Variants in CEP135 observed in about 807,000 individuals in gnomAD.
CEP135 encodes centrosomal protein 135, also known as centrosomal protein of 135 kDa.
In CEP135, 142 loss-of-function variants were observed where a neutral mutation model predicts 157.3. The ratio of observed to expected loss-of-function variants is 0.90; its 90% CI spans 0.79 to 1.04. The LOEUF (loss-of-function observed/expected upper bound fraction) is 1.04. Ranked by LOEUF, CEP135 falls within the 50% of genes least tolerant of loss-of-function variation. The pLI is 0.00. For synonymous variants in CEP135, 396 were observed against 439.8 expected (o/e 0.90, Z 1.25); for missense variants, 1,317 against 1,309.2 (o/e 1.01, Z -0.09).
chr4:56,008,006 C>T (rs1029433475), intron 17 of CEP135, among the ~76,000 whole-genome samples: 1 of 152,050 alleles, frequency 6.6e-6, no homozygotes, highest in African/African-American at 2.4e-5. Flanking sequence ...TTTCTAAGAC[C>T]TAGGGCCATA....
chr4:56,033,283 A>G lies in CEP135; in HGVS notation c.*1935A>G, dbSNP rs1731424670. Reference sequence around the variant, plus strand: ...AAAATACTGAATGTTCTGACCTTTTATAGATGTTTTTGATTTTGTTTTAAA... The same window carrying G: ...AAAATACTGAATGTTCTGACCTTTTGTAGATGTTTTTGATTTTGTTTTAAA... On this transcript the variant is annotated 3_prime_UTR_variant, in exon 26 of 26. Coordinates refer to ENST00000257287, the MANE Select transcript of CEP135 (RefSeq NM_025009.5). The G allele has an allele frequency of 1.3e-5, 2 of 152,168 alleles. No individual in the cohort carries two copies. The highest frequency in any genetic ancestry group is 1.9e-4 in the East Asian group (1 of 5,186). The allele number at this position is 152,168 out of a possible 1,614,324, so 9.4% of individuals were successfully genotyped here. A position where few individuals can be genotyped will look rare whatever the true frequency, so the allele number is the denominator to read the frequency against.
intron 15 of CEP135, among the ~76,000 whole-genome samples, chr4:55,997,724 A>T (rs943467530): frequency 6.6e-6 from 1 of 152,122 alleles, no homozygotes; most frequent in East Asian, 1.9e-4. Flanking sequence ...TTCAGTTGGG[A>T]TAACAGTTCT....
chr4:55,949,781 A>G (rs1024645972), intron 1 of CEP135, among the ~76,000 whole-genome samples: 1 of 152,232 alleles, frequency 6.6e-6, no homozygotes, highest in Non-Finnish European at 1.5e-5. Context: ...GATGGGGGTT[A>G]TGGGGAAAGA....
chr4:56,014,644 G>A (rs776731538), intron 21 of CEP135, among the ~76,000 whole-genome samples: 5 of 152,124 alleles, frequency 3.3e-5, no homozygotes, highest in South Asian at 2.1e-4. Flanking sequence ...AGCAAAGTGC[G>A]GAAGAGACAT....
chr4:55,971,482 T>C, intron 10 of CEP135, 74 bp downstream of exon 10: 2 of 1,235,534 alleles, frequency 1.6e-6, no homozygotes, highest in East Asian at 5.1e-5. Context: ...TTAGTAGATA[T>C]TCATTCATTC....
At chr4:55,968,205 T>A in intron 8 of CEP135, among the ~76,000 whole-genome samples, 1 of 152,044 alleles carries the variant, frequency 6.6e-6, no homozygotes. Context: ...ACTTAACCAA[T>A]GAGATGAAAA....
At position 55,952,409 on chromosome 4, in the gene CEP135, C is replaced by G. The variant is rs374253175; in HGVS notation, c.113+166C>G. On this transcript the variant is annotated intron_variant, in intron 2 of 25. Transcript: ENST00000257287. The stretch of plus-strand genomic sequence containing the variant: ...TCCTCAATCCAGGCCTTCCACACGG[C>G]AGAACTCTAAAGGCCACCACTCACG... 10 of 548,890 alleles carry G rather than the reference C, an allele frequency of 1.8e-5. No individual in the cohort carries two copies. In the African/African-American group the frequency reaches 1.9e-4, roughly 10 times the overall value. The allele number at this position is 548,890 out of a possible 1,614,324, so 34.0% of individuals were successfully genotyped here.
chr4:55,952,105 G>A lies in CEP135; in HGVS notation c.-26G>A, dbSNP rs1290271703. 2.4e-6 allele frequency: 3 copies of A among 1,257,644 alleles called. No homozygotes were observed. The highest frequency in any genetic ancestry group is 3.4e-6 in the Non-Finnish European group (3 of 871,532). 77.9% of individuals were successfully genotyped at this position (1,257,644 alleles called of 1,614,324 possible). A position where few individuals can be genotyped will look rare whatever the true frequency, so the allele number is the denominator to read the frequency against. On this transcript the variant is annotated 5_prime_UTR_variant, in exon 2 of 26. Coordinates refer to ENST00000257287, the MANE Select transcript of CEP135 (RefSeq NM_025009.5). The stretch of plus-strand genomic sequence containing the variant: ...TCTCAGGACTTTAATTTTTGGAAGT[G>A]AATAAAACTTGTTTTAGAAGACGAG...
intron 22 of CEP135, among the ~76,000 whole-genome samples, chr4:56,018,429 T>C (rs1251744421): frequency 6.6e-6 from 1 of 152,162 alleles, no homozygotes; most frequent in African/African-American, 2.4e-5. Flanking sequence ...TGATTATAAA[T>C]CAGCATATCC....
intron 14 of CEP135, among the ~76,000 whole-genome samples, 194 bp from the exon 15 acceptor site, chr4:55,991,740 T>G (rs937213492): frequency 7.2e-5 from 11 of 152,180 alleles, no homozygotes; most frequent in African/African-American, 2.4e-4. Flanking sequence ...GTATCTTTAA[T>G]GGTAGTGAGG....
Position 55,974,979 on chromosome 4 carries a change from C to T in CEP135, c.1473+10C>T. On this transcript the variant is annotated intron_variant, in intron 11 of 25. Coordinates refer to ENST00000257287, the MANE Select transcript of CEP135 (RefSeq NM_025009.5). The stretch of plus-strand genomic sequence containing the variant: ...TAGAACACCAGAAAAGGTAATGTCC[C>T]TTTATAAGAGTAGGCCAGAAAGTAT... The T allele has an allele frequency of 6.4e-7, 1 of 1,562,720 alleles. No homozygotes were observed. Among genetic ancestry groups the T allele is most frequent in the Non-Finnish European group, 8.7e-7 (1 of 1,148,214 alleles).
At chr4:56,018,157 T>C (rs533273268) in intron 22 of CEP135, among the ~76,000 whole-genome samples, 2 of 152,178 alleles carry the variant, frequency 1.3e-5, no homozygotes, top group South Asian at 4.1e-4. Flanking sequence ...TTTTTGTATT[T>C]TTAGTAGAGA....
rs1300495845 is a variant in CEP135 at position 55,953,246 on chromosome 4, T to A, written c.275T>A (p.Leu92Gln). ...GAATTATACCTAGAGTTAATGAAAC[T>A]GAGAGAACATTCAGACCAACACGTT... Reference protein sequence around the residue: ...NNELYLELMKLREHSDQHVKE... With the variant: ...NNELYLELMKQREHSDQHVKE... Residue 92 changes from leucine (L) to glutamine (Q), a missense_variant, in exon 3 of 26, where the codon CTG becomes CAG. Physicochemically the swap from Leu to Gln is moderately radical, Grantham distance 113. Transcript: ENST00000257287. 1 of 1,563,082 alleles carries A rather than the reference T, an allele frequency of 6.4e-7. No individual in the cohort carries two copies. The highest frequency in any genetic ancestry group is 2.1e-5 in the Admixed American group (1 of 47,884).
intron 7 of CEP135, chr4:55,965,002 G>A (rs1728798994): frequency 6.6e-6 from 1 of 151,954 alleles, no homozygotes; most frequent in Non-Finnish European, 1.5e-5. Flanking sequence ...GAGTTGCCTG[G>A]GCTACAAACA....
At chr4:55,965,552 T>TA in intron 7 of CEP135, 92 bp from the exon 8 acceptor site, 1 of 827,336 alleles carries the variant, frequency 1.2e-6, no homozygotes. Context: ...CAATAATTTT[T>TA]AAAATATAGT....
intron 6 of CEP135, among the ~76,000 whole-genome samples, chr4:55,962,813 G>A (rs903380588): frequency 2.2e-4 from 31 of 139,396 alleles, no homozygotes; most frequent in Admixed American, 2.2e-4. Context: ...ACCCCTTCTC[G>A]TCTTATGTAT....
chr4:55,961,329 C>T (rs1054164656), intron 6 of CEP135, among the ~76,000 whole-genome samples: 6 of 152,096 alleles, frequency 3.9e-5, no homozygotes, highest in African/African-American at 1.4e-4. Context: ...CTGATTAAAG[C>T]CACCAATTTA....
chr4:55,991,365 C>A (rs1729787939), intron 14 of CEP135, among the ~76,000 whole-genome samples: 1 of 138,778 alleles, frequency 7.2e-6, no homozygotes, highest in Non-Finnish European at 1.5e-5. Context: ...TCTAAGCCAT[C>A]CCCATTTTTA....
At chr4:55,983,638 C>CTT (rs11356001) in intron 13 of CEP135, among the ~76,000 whole-genome samples, 1 of 146,984 alleles carries the variant, frequency 6.8e-6, no homozygotes. Context: ...ACAATAGCCT[C>CTT]TTTTTTTTTT....
Sources: allele counts gnomAD v4.1 joint callset (sites outside exome capture counted in the v4.1 genomes callset), GRCh38; gene constraint gnomAD v4.1.1; transcripts MANE v1.5; gene names NCBI Gene and HGNC (gene_info 2026-07-23, HGNC 2026-07-21).